The following SOX6 variants were observed in gnomAD, a reference collection of about 807,000 sequenced individuals.
SOX6 encodes transcription factor SOX-6.
A neutral mutation model predicts 97.8 loss-of-function variants in SOX6; 11 were observed. The ratio of observed to expected loss-of-function variants is 0.11; its 90% CI spans 0.07 to 0.19. The LOEUF is 0.19. SOX6 is among the 10% of genes least tolerant of loss of function. The pLI, the probability that SOX6 is intolerant of heterozygous loss-of-function variation, is 1.00. For missense variants in SOX6, 810 were observed against 1,039.5 expected, an observed-to-expected ratio of 0.78 and a Z score of 3.04; for synonymous variants, 360 against 371.4, an observed-to-expected ratio of 0.97 and a Z score of 0.35.
chr11:16,418,575 A>G (rs1183365263), intron 1 of SOX6, among the ~76,000 whole-genome samples: 1 of 152,162 alleles, frequency 6.6e-6, no homozygotes, highest in Non-Finnish European at 1.5e-5. Flanking sequence ...GCCGACTTCA[A>G]TCTGGCAGAG....
intron 2 of SOX6, among the ~76,000 whole-genome samples, chr11:16,734,137 G>A (rs1267315320): frequency 6.6e-6 from 1 of 151,648 alleles, no homozygotes; most frequent in Admixed American, 6.6e-5. Flanking sequence ...TAAGTTCCTA[G>A]GTATGTGTAA....
At chr11:16,548,899 G>A (rs1342569312) in intron 4 of SOX6, among the ~76,000 whole-genome samples, 18 of 151,594 alleles carry the variant, frequency 1.2e-4, no homozygotes, top group Admixed American at 6.6e-4. Context: ...ATTCCATAAC[G>A]TATACATATT....
intron 3 of SOX6, chr11:16,252,334 C>T (rs1169138553): frequency 1.3e-5 from 2 of 152,196 alleles, no homozygotes; most frequent in Non-Finnish European, 2.9e-5. Context: ...CCCTCAGATT[C>T]CAGAGAAAGA....
intron 3 of SOX6, among the ~76,000 whole-genome samples, chr11:16,698,222 C>A (rs1301472980): frequency 6.6e-6 from 1 of 152,162 alleles, no homozygotes; most frequent in African/African-American, 2.4e-5. Context: ...ATGATCTTAG[C>A]TAGATCTTCT....
chr11:16,002,768 T>C (rs1854440952), intron 13 of SOX6, among the ~76,000 whole-genome samples: 1 of 152,118 alleles, frequency 6.6e-6, no homozygotes, highest in Non-Finnish European at 1.5e-5. Flanking sequence ...ACTGAATAAT[T>C]CGTGTTATTC....
chr11:16,359,034 A>T (rs906262426), upstream of SOX6, among the ~76,000 whole-genome samples: 1 of 152,162 alleles, frequency 6.6e-6, no homozygotes, highest in African/African-American at 2.4e-5. Context: ...CAAGAAATAT[A>T]AATGGAAAAT....
chr11:16,516,380 A>G (rs186043139), intron 4 of SOX6, among the ~76,000 whole-genome samples: 47 of 152,280 alleles, frequency 3.1e-4, no homozygotes, highest in African/African-American at 1.1e-3. Context: ...AATGCTTGTG[A>G]TTTTTGTACA....
intron 12 of SOX6, among the ~76,000 whole-genome samples, chr11:16,024,515 T>C (rs376319126): frequency 1.1e-4 from 16 of 151,330 alleles, no homozygotes; most frequent in Admixed American, 5.3e-4. Flanking sequence ...TCCATCCATC[T>C]ATATATTTAT....
At chr11:16,600,784 G>A (rs896774678) in intron 4 of SOX6, among the ~76,000 whole-genome samples, 5 of 152,146 alleles carry the variant, frequency 3.3e-5, no homozygotes, top group Admixed American at 2.0e-4. Flanking sequence ...AATAAATAAT[G>A]AATATATAAT....
At chr11:15,977,925 A>G (rs1853536502) in intron 15 of SOX6, among the ~76,000 whole-genome samples, 1 of 152,056 alleles carries the variant, frequency 6.6e-6, no homozygotes, top group South Asian at 2.1e-4. Flanking sequence ...GAAACTTTTC[A>G]CAAACTCCCA....
At chr11:16,633,506 A>G (rs1848742818) in intron 3 of SOX6, among the ~76,000 whole-genome samples, 1 of 152,260 alleles carries the variant, frequency 6.6e-6, no homozygotes, top group Admixed American at 6.5e-5. Context: ...AGCTCTGAAG[A>G]ATAAATAAAA....
chr11:16,325,546 G>A (rs906782817), intron 2 of SOX6, among the ~76,000 whole-genome samples: 1 of 152,060 alleles, frequency 6.6e-6, no homozygotes, highest in East Asian at 1.9e-4. Flanking sequence ...TAAAAGAATA[G>A]ATTTTGGCCT....
chr11:16,546,271 T>C (rs1847619862), intron 4 of SOX6, among the ~76,000 whole-genome samples: 1 of 152,202 alleles, frequency 6.6e-6, no homozygotes, highest in Non-Finnish European at 1.5e-5. Context: ...ATGACCATAC[T>C]ACCCAAAGCA....
intron 2 of SOX6, among the ~76,000 whole-genome samples, chr11:16,324,206 CA>C (rs770162029): frequency 5.9e-5 from 9 of 151,700 alleles, no homozygotes; most frequent in East Asian, 5.8e-4. Context: ...AACAAACAAA[CA>C]AAAAAAATCA....
intron 3 of SOX6, among the ~76,000 whole-genome samples, chr11:16,255,321 C>T (rs1008187343): frequency 6.6e-6 from 1 of 152,002 alleles, no homozygotes; most frequent in Non-Finnish European, 1.5e-5. Flanking sequence ...TCTTCTCAAA[C>T]TCATATGGAA....
chr11:16,659,496 T>C (rs1847749512), intron 3 of SOX6, among the ~76,000 whole-genome samples: 1 of 152,114 alleles, frequency 6.6e-6, no homozygotes, highest in South Asian at 2.1e-4. Context: ...CCTTCAATAA[T>C]GTGTTAGCTA....
chr11:16,500,145 G>C (rs968969577), intron 4 of SOX6, among the ~76,000 whole-genome samples: 1 of 152,186 alleles, frequency 6.6e-6, no homozygotes, highest in African/African-American at 2.4e-5. Flanking sequence ...GGGATGCAAG[G>C]CTGGTTCAAC....
chr11:16,710,654 C>A (rs1389731496), intron 3 of SOX6, among the ~76,000 whole-genome samples: 2 of 152,156 alleles, frequency 1.3e-5, no homozygotes, highest in Admixed American at 1.3e-4. Context: ...TATAGGGTTT[C>A]TCAGACTCAG....
intron 1 of SOX6, among the ~76,000 whole-genome samples, chr11:16,426,912 T>C (rs1204715132): frequency 1.3e-4 from 2 of 15,774 alleles, no homozygotes; most frequent in Non-Finnish European, 3.1e-4. Context: ...AGACTCCGTC[T>C]CAAAAAAAAA....
Sources: allele counts gnomAD v4.1 joint callset (sites outside exome capture counted in the v4.1 genomes callset), GRCh38; gene constraint gnomAD v4.1.1; transcripts MANE v1.5; gene names NCBI Gene and HGNC (gene_info 2026-07-23, HGNC 2026-07-21).